Variants in MTX2 observed in about 807,000 individuals in gnomAD.
MTX2 encodes metaxin 2, also known as metaxin-2.
A neutral mutation model predicts 42.3 loss-of-function variants in MTX2; 35 were observed. The ratio of observed to expected loss-of-function variants is 0.83; its 90% CI spans 0.63 to 1.10. The LOEUF is 1.10. Among genes scored for constraint, MTX2 ranks in the 50% least tolerant of loss-of-function variants. MTX2 has a pLI of 0.00. For missense variants in MTX2, 307 were observed against 304.1 expected (o/e 1.01, Z -0.07); for synonymous variants, 119 against 100.9 (o/e 1.18, Z -1.08).
chr2:176,312,318 T>C (rs1684335119), intron 3 of MTX2, among the ~76,000 whole-genome samples: 1 of 152,154 alleles, frequency 6.6e-6, no homozygotes, highest in East Asian at 1.9e-4. Context: ...ATTGAGACTT[T>C]ATTGTATGCC....
intron 3 of MTX2, among the ~76,000 whole-genome samples, chr2:176,300,267 A>G (rs1010647508): frequency 6.6e-6 from 1 of 152,086 alleles, no homozygotes; most frequent in African/African-American, 2.4e-5. Context: ...CCCAAATCCA[A>G]ACCAGCCATC....
rs1449221174 is a variant in MTX2, at chr2:176,303,950, A to G, written c.135+6055A>G. On this transcript the variant is annotated intron_variant, in intron 3 of 9. Coordinates refer to ENST00000249442, the MANE Select transcript of MTX2 (RefSeq NM_006554.5). ...TTTTTTGTTTAAAAAGTAAATAGCA[A>G]GCAGGATTTTATAGTTTGTTGCTAT... Among the ~76,000 whole-genome samples the G allele has an allele frequency of 2.6e-5, 4 of 152,184 alleles. No homozygotes were observed. In the East Asian group the frequency reaches 5.8e-4, roughly 22 times the overall value.
intron 1 of MTX2, among the ~76,000 whole-genome samples, chr2:176,295,028 G>A (rs1440646567): frequency 6.6e-6 from 1 of 152,160 alleles, no homozygotes; most frequent in Non-Finnish European, 1.5e-5. Flanking sequence ...TAGCCAGCAT[G>A]TTTAGGGAAT....
At chr2:176,297,742 T>C (rs1450986832) in intron 2 of MTX2, 107 bp from the exon 3 acceptor site, 4 of 532,356 alleles carry the variant, frequency 7.5e-6, no homozygotes, top group South Asian at 5.8e-5. Flanking sequence ...TATAAAACTT[T>C]AGAATTTAGT....
At chr2:176,336,548 GT>G (rs1163486443) in intron 9 of MTX2, among the ~76,000 whole-genome samples, 2 of 151,958 alleles carry the variant, frequency 1.3e-5, no homozygotes, top group African/African-American at 4.8e-5. Context: ...TATAATTTAT[GT>G]TTCATGTACA....
chr2:176,282,687 AGTTT>A (rs1320202734), intron 1 of MTX2, among the ~76,000 whole-genome samples: 1 of 150,326 alleles, frequency 6.7e-6, no homozygotes, highest in Non-Finnish European at 1.5e-5. Flanking sequence ...TAGGGTACTT[AGTTT>A]ATCTACTTTT....
chr2:176,293,588 C>T (rs556224754), intron 1 of MTX2, among the ~76,000 whole-genome samples: 1 of 152,058 alleles, frequency 6.6e-6, no homozygotes, highest in African/African-American at 2.4e-5. Flanking sequence ...CATCTCCCCC[C>T]CTTCTCTTGC....
chr2:176,290,428 C>G (rs1693301066), intron 1 of MTX2, among the ~76,000 whole-genome samples: 1 of 152,084 alleles, frequency 6.6e-6, no homozygotes, highest in Admixed American at 6.6e-5. Flanking sequence ...CCTGCAAAAA[C>G]TTCAAATAAG....
rs553153982 is a variant in MTX2 at position 176,319,038 on chromosome 2, C to T, written c.136-4354C>T. ...TAAAACGTTATTCTGATAGGATGTG[C>T]TAAGTGTTTTATTCAAATTATTTTA... On this transcript the variant is annotated intron_variant, in intron 3 of 9. Coordinates refer to ENST00000249442, the MANE Select transcript of MTX2 (RefSeq NM_006554.5). 7.9e-5 allele frequency among the ~76,000 whole-genome samples: 12 copies of T among 152,230 alleles called. No individual in the cohort carries two copies. The East Asian group carries it at 2.3e-3, about 29-fold the overall frequency.
At chr2:176,327,196 C>CA (rs1673915056) in intron 5 of MTX2, among the ~76,000 whole-genome samples, 1 of 151,190 alleles carries the variant, frequency 6.6e-6, no homozygotes, top group Admixed American at 6.6e-5. Flanking sequence ...ATGCTTACTA[C>CA]AACTGTGGTC....
chr2:176,328,852 G>C, intron 6 of MTX2, 22 bp from the exon 7 acceptor site: 2 of 1,600,562 alleles, frequency 1.2e-6, no homozygotes, highest in Non-Finnish European at 1.7e-6. Flanking sequence ...CTAAAGTTTA[G>C]TGACTGTTCT....
chr2:176,331,300 T>G (rs1684857675), intron 9 of MTX2, among the ~76,000 whole-genome samples: 1 of 151,104 alleles, frequency 6.6e-6, no homozygotes, highest in Admixed American at 6.6e-5. Flanking sequence ...AAATTACAAT[T>G]TTAATATATC....
At chr2:176,320,336 G>A (rs1684551728) in intron 3 of MTX2, among the ~76,000 whole-genome samples, 1 of 151,926 alleles carries the variant, frequency 6.6e-6, no homozygotes, top group African/African-American at 2.4e-5. Context: ...ATATTAATTA[G>A]CATAGTTACC....
At chr2:176,296,981 A>G (rs1374027397) in intron 2 of MTX2, 74 bp downstream of exon 2, 8 of 1,373,886 alleles carry the variant, frequency 5.8e-6, no homozygotes, top group African/African-American at 2.9e-5. Context: ...CAGTAATACA[A>G]TTTACTGCAA....
At chr2:176,303,714 T>G (rs1327305530) in intron 3 of MTX2, among the ~76,000 whole-genome samples, 1 of 152,090 alleles carries the variant, frequency 6.6e-6, no homozygotes, top group Non-Finnish European at 1.5e-5. Context: ...ATATACAACA[T>G]TAAAATTAGG....
chr2:176,288,312 G>A (rs1177523616), intron 1 of MTX2, among the ~76,000 whole-genome samples: 1 of 151,928 alleles, frequency 6.6e-6, no homozygotes, highest in Non-Finnish European at 1.5e-5. Context: ...CCTAAAACTT[G>A]ATGGGTTTTG....
rs76005744 is a variant in MTX2 at position 176,296,314 on chromosome 2, C to T, written c.41-546C>T. 3.2e-3 allele frequency among the ~76,000 whole-genome samples: 481 copies of T among 152,230 alleles called. 5 individuals are homozygous for T. In the East Asian group the frequency reaches 0.035, roughly 11 times the overall value. The stretch of plus-strand genomic sequence containing the variant: ...CAAGGCAATGAAATCTTCTGGAATA[C>T]AACAGGATTCCTCTGTATTTTTAAA... On this transcript the variant is annotated intron_variant, in intron 1 of 9. Coordinates refer to ENST00000249442, the MANE Select transcript of MTX2 (RefSeq NM_006554.5).
intron 4 of MTX2, among the ~76,000 whole-genome samples, chr2:176,326,038 A>G (rs1272309429): frequency 6.6e-6 from 1 of 151,768 alleles, no homozygotes; most frequent in Non-Finnish European, 1.5e-5. Flanking sequence ...TATTTGAACT[A>G]GGTGTGACAG....
chr2:176,288,886 G>A (rs980167668), intron 1 of MTX2, among the ~76,000 whole-genome samples: 2 of 151,732 alleles, frequency 1.3e-5, no homozygotes, highest in South Asian at 2.1e-4. Context: ...TTAGATCATC[G>A]AGAGATGGAC....
Sources: gnomAD v4.1 joint callset for allele counts (sites outside exome capture counted in the v4.1 genomes callset) on GRCh38, gnomAD v4.1.1 for gene constraint, MANE v1.5 for transcripts, NCBI Gene and HGNC (gene_info 2026-07-23, HGNC 2026-07-21) for gene names.